SRSF4: variants seen among roughly 807,000 people sequenced by gnomAD.
The protein encoded by SRSF4 is serine and arginine rich splicing factor 4.
Under a neutral mutation model 48.8 loss-of-function variants are expected in SRSF4, and 12 were observed. That is an observed-to-expected ratio of 0.25 (90% CI 0.16 to 0.40). The LOEUF is 0.40. Among genes scored for constraint, SRSF4 ranks in the 10% least tolerant of loss-of-function variants. The pLI is 1.00. For synonymous variants in SRSF4, 248 were observed against 232.5 expected (o/e 1.07, Z -0.61); for missense variants, 466 against 667.1 (o/e 0.70, Z 3.32).
intron 1 of SRSF4, among the ~76,000 whole-genome samples, chr1:29,165,350 T>C (rs932730058): frequency 1.3e-5 from 2 of 152,242 alleles, no homozygotes; most frequent in Non-Finnish European, 1.5e-5. Context: ...AGGTTATCAG[T>C]CATAATTCTG....
intron 1 of SRSF4, among the ~76,000 whole-genome samples, chr1:29,162,038 T>C (rs1417720560): frequency 6.6e-6 from 1 of 152,180 alleles, no homozygotes; most frequent in Non-Finnish European, 1.5e-5. Context: ...AATGTGTAGG[T>C]AACAACGTTG....
chr1:29,174,050 G>T (rs1035309842), intron 1 of SRSF4, among the ~76,000 whole-genome samples: 1 of 151,712 alleles, frequency 6.6e-6, no homozygotes, highest in Non-Finnish European at 1.5e-5. Context: ...TTAGCGGGGT[G>T]TGGTGGCAGG....
chr1:29,181,135 G>C (rs3094740), intron 1 of SRSF4, among the ~76,000 whole-genome samples: 45,878 of 152,164 alleles, frequency 0.3, 7,281 homozygotes, highest in Middle Eastern at 0.36. Flanking sequence ...CCAAAAAAGC[G>C]TGGCACACGG....
chr1:29,167,764 C>T (rs887909276), intron 1 of SRSF4, among the ~76,000 whole-genome samples: 1 of 152,196 alleles, frequency 6.6e-6, no homozygotes, highest in African/African-American at 2.4e-5. Context: ...CTAAGAAAAA[C>T]GAAGGCTAAT....
At chr1:29,159,075 C>T (rs2151815543) in intron 3 of SRSF4, among the ~76,000 whole-genome samples, 1 of 152,110 alleles carries the variant, frequency 6.6e-6, no homozygotes, top group South Asian at 2.1e-4. Flanking sequence ...CACTGCACTC[C>T]AGCCTGGGCA....
At position 29,152,135 on chromosome 1, in the gene SRSF4, A is replaced by G. The variant is rs963168951; in HGVS notation, c.579-1943T>C. The stretch of plus-strand genomic sequence containing the variant: ...TCTACAACAAACAAACAACTGAAAA[A>G]TTGGAATACAACCTAGATATTACAT... On this transcript the variant is annotated intron_variant, in intron 4 of 5. Transcript: ENST00000373795. Among the ~76,000 whole-genome samples the G allele has an allele frequency of 3.0e-4, 45 of 152,322 alleles. 1 individual carries two copies. Among genetic ancestry groups the G allele is most frequent in the Middle Eastern group, 3.4e-3 (1 of 294 alleles).
intron 1 of SRSF4, chr1:29,171,047 C>T (rs1355174237): frequency 6.6e-6 from 1 of 152,158 alleles, no homozygotes; most frequent in African/African-American, 2.4e-5. Flanking sequence ...AATCTAATCC[C>T]TCACCTTCAG....
At chr1:29,178,222 A>G (rs1438981987) in intron 1 of SRSF4, among the ~76,000 whole-genome samples, 3 of 151,958 alleles carry the variant, frequency 2.0e-5, no homozygotes, top group Non-Finnish European at 4.4e-5. Context: ...TTATGCCTTA[A>G]TTCTAAACTT....
intron 1 of SRSF4, among the ~76,000 whole-genome samples, chr1:29,177,573 T>TGCC (rs945933159): frequency 1.1e-4 from 17 of 152,154 alleles, no homozygotes; most frequent in African/African-American, 4.1e-4. Context: ...TGAGCCACCG[T>TGCC]GCCAGGCCCT....
chr1:29,181,502 C>G (rs1014354973), intron 1 of SRSF4, 144 bp downstream of exon 1: 1 of 655,638 alleles, frequency 1.5e-6, no homozygotes, highest in South Asian at 2.4e-5. Context: ...TACCCGCGCC[C>G]CCGAGGCGCC....
At chr1:29,165,524 C>CACCA (rs1338673947) in intron 1 of SRSF4, among the ~76,000 whole-genome samples, 3 of 152,246 alleles carry the variant, frequency 2.0e-5, no homozygotes, top group Non-Finnish European at 4.4e-5. Context: ...TGGTCCCAAA[C>CACCA]ACCAAGTCTG....
rs370048805 is a variant in SRSF4, at chr1:29,148,913, G to A, written c.982C>T (p.Arg328Cys). The change falls in exon 6 of 6, where the codon CGC becomes TGC. Residue 328 changes from arginine to cysteine, a missense_variant. This residue lies in a region of SRSF4 where 402 missense variants were observed against 437.0 expected (regional missense o/e 0.92). Coordinates refer to ENST00000373795, the MANE Select transcript of SRSF4 (RefSeq NM_005626.5). Reference sequence around the variant, plus strand: ...CTCCTGCTCCGGCTCCGACTCTGGCGGAGGCTCTTCTCCTGGCTCCTGCCC... The same window carrying A: ...CTCCTGCTCCGGCTCCGACTCTGGCAGAGGCTCTTCTCCTGGCTCCTGCCC... ...SRGRSQEKSL[R>C]QSRSRSRSKG... The A allele has an allele frequency of 4.2e-5, 67 of 1,595,384 alleles. No individual in the cohort carries two copies. Among genetic ancestry groups the A allele is most frequent in the Middle Eastern group, 1.7e-4 (1 of 5,964 alleles).
In SRSF4 at chr1:29,150,202, G is replaced by A. The variant is rs978667750; in HGVS notation, c.579-10C>T. The A allele has an allele frequency of 1.2e-6, 2 of 1,611,970 alleles. No individual in the cohort carries two copies. The highest frequency in any genetic ancestry group is 1.7e-5 in the Admixed American group (1 of 59,934). On this transcript the variant is annotated splice_polypyrimidine_tract_variant and intron_variant, in intron 4 of 5. Coordinates refer to ENST00000373795, the MANE Select transcript of SRSF4 (RefSeq NM_005626.5). ...GCTTCGAGAGCGAGACCTAGGGGGAGAAAATATTTTTTAATACTTGCTGAC... is the reference window on the plus strand; with the variant it reads ...GCTTCGAGAGCGAGACCTAGGGGGAAAAAATATTTTTTAATACTTGCTGAC...
At chr1:29,180,920 T>C (rs751775614) in intron 1 of SRSF4, among the ~76,000 whole-genome samples, 12 of 152,216 alleles carry the variant, frequency 7.9e-5, no homozygotes, top group African/African-American at 1.9e-4. Flanking sequence ...GTGGCCACTA[T>C]TCTCCTAACA....
At chr1:29,153,163 T>C (rs1410326115) in intron 4 of SRSF4, among the ~76,000 whole-genome samples, 2 of 152,078 alleles carry the variant, frequency 1.3e-5, no homozygotes, top group Non-Finnish European at 1.5e-5. Context: ...ACAGAGTCTC[T>C]TTCTGTCGCC....
intron 1 of SRSF4, among the ~76,000 whole-genome samples, chr1:29,167,326 C>T (rs769383187): frequency 1.3e-5 from 2 of 152,210 alleles, no homozygotes; most frequent in Non-Finnish European, 2.9e-5. Context: ...CAGAAACTTG[C>T]CTATTCCAAT....
At chr1:29,178,335 G>A (rs373787893) in intron 1 of SRSF4, among the ~76,000 whole-genome samples, 13 of 130,038 alleles carry the variant, frequency 1.0e-4, no homozygotes, top group African/African-American at 3.7e-4. Context: ...TCCAAAATCT[G>A]TTTCTGAGTT....
rs1672470960 is a variant in SRSF4, at chr1:29,154,683, A to G, written c.578+13T>C. On this transcript the variant is annotated intron_variant, in intron 4 of 5. Transcript: ENST00000373795. The stretch of plus-strand genomic sequence containing the variant: ...TATGATGAGCTCCAACACACAAAAG[A>G]CATCAACAGTACCTTGAATGACTCC... 6.2e-7 allele frequency: 1 copy of G among 1,613,216 alleles called. No homozygotes were observed. The highest frequency in any genetic ancestry group is 1.3e-5 in the African/African-American group (1 of 74,988).
chr1:29,159,764 G>A (rs1672564896), intron 2 of SRSF4: 1 of 241,252 alleles, frequency 4.1e-6, no homozygotes, highest in African/African-American at 2.3e-5. Context: ...TAACAATTTA[G>A]AAATAAGTAA....
Sources: allele counts gnomAD v4.1 joint callset (sites outside exome capture counted in the v4.1 genomes callset), GRCh38; gene constraint gnomAD v4.1.1; regional missense constraint gnomAD v4.1.1; transcripts MANE v1.5; gene names NCBI Gene and HGNC (gene_info 2026-07-23, HGNC 2026-07-21).